PREX2: variants seen among roughly 807,000 people sequenced by gnomAD.
The protein encoded by PREX2 is phosphatidylinositol 3,4,5-trisphosphate-dependent Rac exchanger 2 protein.
Under a neutral mutation model 203.2 loss-of-function variants are expected in PREX2, and 107 were observed. That is an observed-to-expected ratio of 0.53 (90% CI 0.45 to 0.62). The LOEUF (loss-of-function observed/expected upper bound fraction) is 0.62, where lower values mean the gene tolerates loss of function less well. Ranked by LOEUF, PREX2 falls within the 20% of genes least tolerant of loss-of-function variation. The pLI is 0.00. For synonymous variants in PREX2, 672 were observed against 663.6 expected (o/e 1.01, Z -0.19); for missense variants, 1,777 against 1,955.9 (o/e 0.91, Z 1.72).
intron 7 of PREX2, 75 bp from the exon 8 acceptor site, chr8:68,044,412 G>T: frequency 4.8e-6 from 5 of 1,038,194 alleles, no homozygotes; most frequent in Admixed American, 1.9e-5. Context: ...TCAAAGAATT[G>T]CCTAAAATAT....
intron 1 of PREX2, among the ~76,000 whole-genome samples, chr8:68,003,227 G>A (rs1806995470): frequency 6.6e-6 from 1 of 151,918 alleles, no homozygotes; most frequent in Admixed American, 6.6e-5. Flanking sequence ...TGTTGCCCAG[G>A]CTGGACTCAA....
chr8:68,041,205 A>G (rs980718675), intron 7 of PREX2, among the ~76,000 whole-genome samples: 2 of 152,206 alleles, frequency 1.3e-5, no homozygotes, highest in African/African-American at 4.8e-5. Flanking sequence ...TTCCAGGTTC[A>G]GCATTTAGAA....
Position 68,157,336 on chromosome 8 carries a change from G to A in PREX2, c.4246G>A (p.Glu1416Lys), listed in dbSNP as rs761146506. 3 of 1,603,008 alleles carry A rather than the reference G, an allele frequency of 1.9e-6. No individual in the cohort carries two copies. The South Asian group carries it at 3.3e-5, about 18-fold the overall frequency. Reference sequence around the variant, plus strand: ...TGTTTACACAGCACTAGAGAGCATGGAAGGATATTATTACAGAGACAATGT... The same window carrying A: ...TGTTTACACAGCACTAGAGAGCATGAAAGGATATTATTACAGAGACAATGT... Reference protein sequence around the residue: ...VLFAQALESMEGYYYRDNVSV... With the variant: ...VLFAQALESMKGYYYRDNVSV... Residue 1416 changes from glutamate to lysine, a missense_variant, in exon 35 of 40, where the codon GAA becomes AAA. Coordinates refer to ENST00000288368, the MANE Select transcript of PREX2 (RefSeq NM_024870.4).
At chr8:68,125,863 G>T (rs1014303176) in intron 30 of PREX2, among the ~76,000 whole-genome samples, 4 of 151,730 alleles carry the variant, frequency 2.6e-5, no homozygotes, top group African/African-American at 7.3e-5. Context: ...TCACACTTCA[G>T]TAATTACAAT....
Position 67,952,318 on chromosome 8 carries a change from G to T in PREX2, c.-77G>T, listed in dbSNP as rs1299652163. Reference sequence around the variant, plus strand: ...GCGGCAACTTTCCATTCTCGCCGCCGGGGGCCGGGCAGCAGCGGGCGCGCG... The same window carrying T: ...GCGGCAACTTTCCATTCTCGCCGCCTGGGGCCGGGCAGCAGCGGGCGCGCG... On this transcript the variant is annotated 5_prime_UTR_variant, in exon 1 of 40. Transcript: ENST00000288368. 2.4e-6 allele frequency: 3 copies of T among 1,240,340 alleles called. No homozygotes were observed. The highest frequency in any genetic ancestry group is 4.3e-5 in the Admixed American group (1 of 23,270). The allele number at this position is 1,240,340 out of a possible 1,614,324, so 76.8% of individuals were successfully genotyped here.
At chr8:68,009,710 T>G (rs1464433505) in intron 1 of PREX2, among the ~76,000 whole-genome samples, 1 of 152,256 alleles carries the variant, frequency 6.6e-6, no homozygotes, top group Non-Finnish European at 1.5e-5. Context: ...CATCTGACAT[T>G]AAGTTTGTTT....
At chr8:68,210,445 C>T (rs952754143) in intron 37 of PREX2, among the ~76,000 whole-genome samples, 1 of 152,106 alleles carries the variant, frequency 6.6e-6, no homozygotes, top group Non-Finnish European at 1.5e-5. Flanking sequence ...GATTGGCTAC[C>T]AAGCAAAATA....
intron 16 of PREX2, 25 bp downstream of exon 16, chr8:68,080,610 A>G: frequency 6.4e-7 from 1 of 1,561,758 alleles, no homozygotes; most frequent in Non-Finnish European, 8.7e-7. Context: ...ATGTTATATA[A>G]GTTTTCTTCT....
chr8:68,215,802 G>T (rs919777100), intron 37 of PREX2, among the ~76,000 whole-genome samples: 1 of 152,180 alleles, frequency 6.6e-6, no homozygotes, highest in African/African-American at 2.4e-5. Flanking sequence ...CTCCCAAAAT[G>T]CTGGGATTAC....
At chr8:68,175,891 A>G (rs1336427121) in intron 35 of PREX2, among the ~76,000 whole-genome samples, 2 of 152,052 alleles carry the variant, frequency 1.3e-5, no homozygotes, top group Admixed American at 1.3e-4. Context: ...ATGTTTTAAT[A>G]GAATAAAGCA....
At chr8:68,103,103 T>G in intron 23 of PREX2, 1 of 401,320 alleles carries the variant, frequency 2.5e-6, no homozygotes, top group Non-Finnish European at 5.0e-6. Context: ...CAAGAGATAG[T>G]TCCTGTTTAC....
chr8:68,202,064 C>A (rs1292282406), intron 37 of PREX2, among the ~76,000 whole-genome samples: 1 of 151,684 alleles, frequency 6.6e-6, no homozygotes, highest in African/African-American at 2.4e-5. Flanking sequence ...CACCACCCTG[C>A]CTATTTTTTG....
intron 25 of PREX2, among the ~76,000 whole-genome samples, chr8:68,111,645 G>T (rs1810536999): frequency 6.6e-6 from 1 of 152,068 alleles, no homozygotes; most frequent in Non-Finnish European, 1.5e-5. Flanking sequence ...CAAATGATTG[G>T]AGAAACCACC....
intron 3 of PREX2, among the ~76,000 whole-genome samples, chr8:68,021,398 C>T (rs1021650011): frequency 2.6e-5 from 4 of 152,178 alleles, no homozygotes; most frequent in African/African-American, 9.7e-5. Flanking sequence ...AAATATGACT[C>T]TCTGAAACAA....
chr8:68,139,386 G>C (rs774652548), intron 33 of PREX2, among the ~76,000 whole-genome samples: 10 of 152,144 alleles, frequency 6.6e-5, no homozygotes, highest in Non-Finnish European at 1.0e-4. Flanking sequence ...ATGCTCTCAG[G>C]ATAGGAAGTT....
intron 37 of PREX2, among the ~76,000 whole-genome samples, chr8:68,202,758 G>T (rs1227973730): frequency 6.6e-6 from 1 of 152,272 alleles, no homozygotes; most frequent in East Asian, 1.9e-4. Context: ...GAGAGACGAA[G>T]AAGGGACTTA....
chr8:68,047,504 TATAC>T (rs1273314362), intron 8 of PREX2, among the ~76,000 whole-genome samples: 6 of 45,954 alleles, frequency 1.3e-4, no homozygotes, highest in South Asian at 5.9e-4. Context: ...TATATATATA[TATAC>T]ACATACATAT....
chr8:68,176,563 T>C (rs1305625550), intron 35 of PREX2, among the ~76,000 whole-genome samples: 1 of 152,204 alleles, frequency 6.6e-6, no homozygotes, highest in Non-Finnish European at 1.5e-5. Context: ...TTTTCAAGCC[T>C]GTTTTCTAAT....
intron 1 of PREX2, among the ~76,000 whole-genome samples, chr8:67,996,211 T>C (rs1806759522): frequency 6.6e-6 from 1 of 152,244 alleles, no homozygotes; most frequent in South Asian, 2.1e-4. Flanking sequence ...ATTTATTTTT[T>C]TGGAGACAGG....
Sources: allele counts gnomAD v4.1 joint callset (sites outside exome capture counted in the v4.1 genomes callset), GRCh38; gene constraint gnomAD v4.1.1; transcripts MANE v1.5; gene names NCBI Gene and HGNC (gene_info 2026-07-23, HGNC 2026-07-21).